The following CA10 variants were observed in gnomAD, a reference collection of about 807,000 sequenced individuals.
CA10 encodes carbonic anhydrase-related protein 10.
CA10 carries 14 observed loss-of-function variants against 44.2 expected under a neutral mutation model. The observed-to-expected ratio is 0.32, with a 90% confidence interval of 0.21 to 0.50. The LOEUF (loss-of-function observed/expected upper bound fraction) is 0.50, where lower values mean the gene tolerates loss of function less well. CA10 is among the 20% of genes least tolerant of loss of function. The probability of loss-of-function intolerance (pLI) is 0.99; values close to 1 mark genes in which losing one functional copy is unlikely to be tolerated. For synonymous variants in CA10, 159 were observed against 141.6 expected, an observed-to-expected ratio of 1.12 and a Z score of -0.87; for missense variants, 350 against 409.7, an observed-to-expected ratio of 0.85 and a Z score of 1.26.
chr17:51,897,186 G>A (rs1981108947), intron 3 of CA10, among the ~76,000 whole-genome samples: 1 of 151,972 alleles, frequency 6.6e-6, no homozygotes, highest in Non-Finnish European at 1.5e-5. Flanking sequence ...TATCTTCTAG[G>A]GTTTTTGTGG....
At chr17:51,803,547 C>CT (rs796693347) in intron 3 of CA10, among the ~76,000 whole-genome samples, 12 of 152,172 alleles carry the variant, frequency 7.9e-5, no homozygotes, top group African/African-American at 2.4e-4. Context: ...TTATTTCTAC[C>CT]TTTTTTGGGT....
At chr17:51,919,323 G>A (rs1455762679) in intron 3 of CA10, among the ~76,000 whole-genome samples, 1 of 152,138 alleles carries the variant, frequency 6.6e-6, no homozygotes, top group East Asian at 1.9e-4. Context: ...CAATTTCAGA[G>A]CCTTCTTGGA....
chr17:52,140,927 G>GGTTATGAGT (rs1282824410), intron 1 of CA10, among the ~76,000 whole-genome samples: 7 of 152,242 alleles, frequency 4.6e-5, no homozygotes, highest in African/African-American at 1.7e-4. Context: ...TCATGGCCTG[G>GGTTATGAGT]GTTATGAGTC....
intron 2 of CA10, among the ~76,000 whole-genome samples, chr17:52,000,071 G>C (rs1985370539): frequency 6.6e-6 from 1 of 151,958 alleles, no homozygotes; most frequent in South Asian, 2.1e-4. Context: ...TTTTCTTTCT[G>C]TTCAGATAAT....
At chr17:52,066,790 C>A (rs1363124222) in intron 2 of CA10, among the ~76,000 whole-genome samples, 2 of 152,148 alleles carry the variant, frequency 1.3e-5, no homozygotes, top group African/African-American at 4.8e-5. Context: ...AGCAAGGAGA[C>A]TGGTGGCATT....
At chr17:51,689,236 G>A (rs1283190491) in intron 4 of CA10, among the ~76,000 whole-genome samples, 1 of 152,188 alleles carries the variant, frequency 6.6e-6, no homozygotes, top group African/African-American at 2.4e-5. Flanking sequence ...AAAATACTAT[G>A]CTGAGAACTT....
At chr17:51,946,501 C>T (rs373373732) in intron 2 of CA10, among the ~76,000 whole-genome samples, 2 of 152,216 alleles carry the variant, frequency 1.3e-5, no homozygotes, top group African/African-American at 2.4e-5. Context: ...CAATCCATCC[C>T]GTGGGACCTG....
intron 3 of CA10, among the ~76,000 whole-genome samples, chr17:51,780,707 G>A (rs1210981387): frequency 6.6e-6 from 1 of 152,122 alleles, no homozygotes; most frequent in Non-Finnish European, 1.5e-5. Context: ...GAAAAATTAG[G>A]GACGTCTTCT....
At chr17:51,640,360 C>T (rs1913029169) in intron 6 of CA10, among the ~76,000 whole-genome samples, 1 of 152,168 alleles carries the variant, frequency 6.6e-6, no homozygotes, top group Non-Finnish European at 1.5e-5. Context: ...TACATGCTGC[C>T]TACCATCTCC....
chr17:51,814,926 T>C (rs1322952002), intron 3 of CA10, among the ~76,000 whole-genome samples: 1 of 152,146 alleles, frequency 6.6e-6, no homozygotes, highest in Non-Finnish European at 1.5e-5. Flanking sequence ...TTCTCTCTTG[T>C]CTCTCTTAAA....
chr17:52,058,349 TA>T (rs1987286803), intron 2 of CA10, among the ~76,000 whole-genome samples: 1 of 152,184 alleles, frequency 6.6e-6, no homozygotes, highest in Non-Finnish European at 1.5e-5. Context: ...TACAAAATTT[TA>T]TTTTTACAAA....
At chr17:51,988,860 A>G (rs1189004674) in intron 2 of CA10, among the ~76,000 whole-genome samples, 3 of 152,088 alleles carry the variant, frequency 2.0e-5, no homozygotes, top group African/African-American at 7.2e-5. Flanking sequence ...TAGTATATCC[A>G]ATGTATTATA....
chr17:52,128,771 A>G (rs1017255285), intron 1 of CA10, among the ~76,000 whole-genome samples: 4 of 152,146 alleles, frequency 2.6e-5, no homozygotes, highest in African/African-American at 9.7e-5. Flanking sequence ...ATTTAACCCC[A>G]GATTTTAGTC....
intron 3 of CA10, among the ~76,000 whole-genome samples, chr17:51,905,551 T>A (rs867048789): frequency 2.2e-5 from 3 of 136,438 alleles, no homozygotes; most frequent in Non-Finnish European, 4.6e-5. Flanking sequence ...TTTTTTTTTT[T>A]ACAACTCTAC....
At chr17:51,900,572 C>T (rs79526932) in intron 3 of CA10, among the ~76,000 whole-genome samples, 1 of 152,116 alleles carries the variant, frequency 6.6e-6, no homozygotes, top group Non-Finnish European at 1.5e-5. Context: ...GAATGTTGGC[C>T]TAACAAGGTT....
At chr17:52,150,066 G>A (rs559935908) in intron 1 of CA10, among the ~76,000 whole-genome samples, 5 of 152,220 alleles carry the variant, frequency 3.3e-5, no homozygotes, top group Admixed American at 2.6e-4. Flanking sequence ...CTTTAGTTGT[G>A]ACTATGTTCA....
At chr17:51,930,597 G>A (rs780122154) in intron 3 of CA10, among the ~76,000 whole-genome samples, 11 of 152,006 alleles carry the variant, frequency 7.2e-5, no homozygotes, top group Non-Finnish European at 1.3e-4. Flanking sequence ...GATGATGAAC[G>A]TCTGATTTTA....
chr17:52,010,580 A>G (rs970169970), intron 2 of CA10, among the ~76,000 whole-genome samples: 2 of 151,918 alleles, frequency 1.3e-5, no homozygotes, highest in African/African-American at 4.8e-5. Flanking sequence ...CTATGAGGAC[A>G]CAAAGGCATA....
chr17:51,652,047 G>A lies in CA10; in HGVS notation c.561+1594C>T, dbSNP rs567982869. Among the ~76,000 whole-genome samples, 4 of 152,294 alleles carry A rather than the reference G, an allele frequency of 2.6e-5. No homozygotes were observed. In the South Asian group the frequency reaches 6.2e-4, roughly 24 times the overall value. ...GAGTGTGGGAAGAATGTTTTAAAAT[G>A]TCATGTACTCCCTTCTTGCCCTCAC... is the stretch of plus-strand genomic sequence containing the variant. On this transcript the variant is annotated intron_variant, in intron 5 of 8. Coordinates refer to ENST00000451037, the MANE Select transcript of CA10 (RefSeq NM_020178.5).
Sources: gnomAD v4.1 joint callset for allele counts (sites outside exome capture counted in the v4.1 genomes callset) on GRCh38, gnomAD v4.1.1 for gene constraint, MANE v1.5 for transcripts, NCBI Gene and HGNC (gene_info 2026-07-23, HGNC 2026-07-21) for gene names.